Variants in PHKB observed in about 807,000 individuals in gnomAD.
The protein encoded by PHKB is phosphorylase kinase regulatory subunit beta, also known as phosphorylase b kinase regulatory subunit beta.
In PHKB, 122 loss-of-function variants were observed where a neutral mutation model predicts 152.1. That is an observed-to-expected ratio of 0.80 (90% CI 0.69 to 0.93). PHKB has a LOEUF of 0.93. Ranked by LOEUF, PHKB falls within the 40% of genes least tolerant of loss-of-function variation. The pLI, the probability that PHKB is intolerant of heterozygous loss-of-function variation, is 0.00. For synonymous variants in PHKB, 436 were observed against 464.9 expected (o/e 0.94, Z 0.80); for missense variants, 1,304 against 1,328.4 (o/e 0.98, Z 0.29).
At position 47,660,667 on chromosome 16, in the gene PHKB, T is replaced by C; in HGVS notation, c.2044T>C (p.Phe682Leu). The C allele has an allele frequency of 3.1e-6, 5 of 1,614,064 alleles. No individual in the cohort carries two copies. The highest frequency in any genetic ancestry group is 4.2e-6 in the Non-Finnish European group (5 of 1,179,972). The part of the protein sequence containing the change: ...RISDTEELPE[F>L]KSFEELEPPK... ...TCTTTTAATTTTTAGGCTTCCAGAATTTAAGAGTTTTGAGGAACTAGAACC... is the reference window on the plus strand; with the variant it reads ...TCTTTTAATTTTTAGGCTTCCAGAACTTAAGAGTTTTGAGGAACTAGAACC... The change falls in exon 22 of 31, where the codon TTT becomes CTT. Residue 682 changes from phenylalanine (F) to leucine (L), a missense_variant. Coordinates refer to ENST00000323584, the MANE Select transcript of PHKB (RefSeq NM_000293.3).
At chr16:47,508,131 A>G (rs547100440) in intron 4 of PHKB, among the ~76,000 whole-genome samples, 8 of 152,326 alleles carry the variant, frequency 5.3e-5, no homozygotes, top group Admixed American at 2.0e-4. Context: ...AATACTAGCT[A>G]AAAGAGATAT....
chr16:47,685,438 A>T (rs1304951676), intron 26 of PHKB, among the ~76,000 whole-genome samples: 1 of 152,204 alleles, frequency 6.6e-6, no homozygotes, highest in Non-Finnish European at 1.5e-5. Context: ...AAGAAAAAAA[A>T]AGAAAGCTTT....
intron 14 of PHKB, among the ~76,000 whole-genome samples, chr16:47,618,103 G>C (rs191729401): frequency 6.6e-6 from 1 of 152,214 alleles, no homozygotes. Flanking sequence ...TGGTGAGTCA[G>C]CTCCCATACC....
chr16:47,600,781 A>G (rs1262361243), intron 13 of PHKB, among the ~76,000 whole-genome samples: 2 of 152,376 alleles, frequency 1.3e-5, no homozygotes, highest in East Asian at 1.9e-4. Flanking sequence ...ATGTCTATAC[A>G]TGAAGATACA....
At chr16:47,490,124 T>C (rs1970122222) in intron 1 of PHKB, among the ~76,000 whole-genome samples, 1 of 152,142 alleles carries the variant, frequency 6.6e-6, no homozygotes, top group Non-Finnish European at 1.5e-5. Context: ...GTCCATTTAG[T>C]TCTTGATTTC....
chr16:47,622,675 A>C (rs1036969923), intron 14 of PHKB, among the ~76,000 whole-genome samples: 3 of 152,196 alleles, frequency 2.0e-5, no homozygotes, highest in Non-Finnish European at 4.4e-5. Flanking sequence ...ATTAAAATGG[A>C]TTGATCTACT....
intron 13 of PHKB, among the ~76,000 whole-genome samples, chr16:47,602,816 T>G (rs1046592432): frequency 6.6e-6 from 1 of 152,190 alleles, no homozygotes; most frequent in South Asian, 2.1e-4. Context: ...CTGTTCATAC[T>G]TTACCATTCA....
At chr16:47,500,007 C>A in intron 3 of PHKB, 113 bp downstream of exon 3, 1 of 1,172,510 alleles carries the variant, frequency 8.5e-7, no homozygotes, top group Non-Finnish European at 1.3e-6. Flanking sequence ...ACTGTGCGAC[C>A]TATGACTGCT....
intron 6 of PHKB, among the ~76,000 whole-genome samples, chr16:47,533,548 G>C (rs1970899234): frequency 6.6e-6 from 1 of 152,194 alleles, no homozygotes; most frequent in Admixed American, 6.5e-5. Context: ...GAGTCTGGAG[G>C]GGGCCGAGGC....
At chr16:47,680,534 A>G (rs1294345299) in intron 26 of PHKB, among the ~76,000 whole-genome samples, 14 of 152,158 alleles carry the variant, frequency 9.2e-5, no homozygotes, top group Admixed American at 9.2e-4. Flanking sequence ...CATTTCTTCT[A>G]GATTTTCTAG....
In PHKB at chr16:47,547,545, C is replaced by T. The variant is rs201829990; in HGVS notation, c.707C>T (p.Ser236Leu). Residue 236 changes from serine (S) to leucine (L), a missense_variant, in exon 7 of 31, where the codon TCG (serine) becomes TTG (leucine). Ser to Leu is a moderately radical substitution (Grantham distance 145). Transcript: ENST00000323584. ...KYNNGSTELH[S>L]SSVGLAKAAL... The stretch of plus-strand genomic sequence containing the variant: ...AATAATGGCAGCACAGAGCTACATT[C>T]GAGGTAATTTGCTGATTTCTGAGGT... The T allele has an allele frequency of 5.4e-5, 84 of 1,565,414 alleles. No individual in the cohort carries two copies. The highest frequency in any genetic ancestry group is 6.7e-5 in the Admixed American group (4 of 59,892).
rs774334485 is a variant in PHKB at position 47,660,783 on chromosome 16, G to T, written c.2160G>T (p.Lys720Asn). The T allele has an allele frequency of 1.2e-6, 2 of 1,613,928 alleles. No individual in the cohort carries two copies. The highest frequency in any genetic ancestry group is 2.7e-5 in the African/African-American group (2 of 74,888). The change falls in exon 22 of 31, where the codon AAG becomes AAT. Residue 720 changes from lysine to asparagine, a missense_variant. Lys to Asn is a moderately conservative substitution (Grantham distance 94). Coordinates refer to ENST00000323584, the MANE Select transcript of PHKB (RefSeq NM_000293.3). ...CGGATGTCAACATTAGTGAATGGAA[G>T]GACAAACCCACCCACGAAATTCTTC... ...QQPDVNISEW[K>N]DKPTHEILQK... is the part of the protein sequence containing the mutation.
intron 23 of PHKB, among the ~76,000 whole-genome samples, chr16:47,662,748 A>G (rs1973465878): frequency 6.6e-6 from 1 of 152,232 alleles, no homozygotes; most frequent in Non-Finnish European, 1.5e-5. Flanking sequence ...AACTATAAGT[A>G]TAAGCAGAAT....
At chr16:47,688,951 G>C in intron 26 of PHKB, 90 bp from the exon 27 acceptor site, 1 of 1,339,910 alleles carries the variant, frequency 7.5e-7, no homozygotes, top group East Asian at 2.3e-5. Flanking sequence ...CCTTTGAATG[G>C]GTCAGTGCTA....
chr16:47,503,172 A>G, intron 4 of PHKB, 82 bp downstream of exon 4: 1 of 978,306 alleles, frequency 1.0e-6, no homozygotes, highest in Non-Finnish European at 1.6e-6. Context: ...TTTCTTCTGA[A>G]GAAGAATGTA....
intron 26 of PHKB, among the ~76,000 whole-genome samples, chr16:47,688,813 ATGT>A (rs578059570): frequency 4.0e-4 from 61 of 152,150 alleles, no homozygotes; most frequent in African/African-American, 1.4e-3. Flanking sequence ...ACCTATTTTA[ATGT>A]TGTACAACCT....
intron 6 of PHKB, among the ~76,000 whole-genome samples, chr16:47,533,119 T>C (rs1367569543): frequency 6.6e-6 from 1 of 152,048 alleles, no homozygotes; most frequent in Non-Finnish European, 1.5e-5. Context: ...AGTGGGTTGC[T>C]CCTCTCTGCA....
At chr16:47,503,524 TA>T (rs2151644670) in intron 4 of PHKB, among the ~76,000 whole-genome samples, 1 of 152,292 alleles carries the variant, frequency 6.6e-6, no homozygotes, top group Admixed American at 6.5e-5. Flanking sequence ...GGCTAGGAAT[TA>T]TAGGCTTAGA....
chr16:47,617,049 C>A (rs1972531844), intron 14 of PHKB, among the ~76,000 whole-genome samples: 1 of 151,892 alleles, frequency 6.6e-6, no homozygotes, highest in Non-Finnish European at 1.5e-5. Context: ...CAACAACCTT[C>A]CAGTGTGGGC....
Sources: gnomAD v4.1 joint callset for allele counts (sites outside exome capture counted in the v4.1 genomes callset) on GRCh38, gnomAD v4.1.1 for gene constraint, MANE v1.5 for transcripts, NCBI Gene and HGNC (gene_info 2026-07-23, HGNC 2026-07-21) for gene names.